GSE1: variants seen among roughly 807,000 people sequenced by gnomAD.
The protein encoded by GSE1 is genetic suppressor element 1.
GSE1 carries 32 observed loss-of-function variants against 112.6 expected under a neutral mutation model. The ratio of observed to expected loss-of-function variants is 0.28; its 90% CI spans 0.21 to 0.38. GSE1 has a LOEUF of 0.38. Among genes scored for constraint, GSE1 ranks in the 10% least tolerant of loss-of-function variants. The probability of loss-of-function intolerance (pLI) is 1.00; values close to 1 mark genes in which losing one functional copy is unlikely to be tolerated. For synonymous variants in GSE1, 1,115 were observed against 735.6 expected, an observed-to-expected ratio of 1.52 and a Z score of -8.35; for missense variants, 2,348 against 1,699.2, an observed-to-expected ratio of 1.38 and a Z score of -6.71.
rs114005000 is a variant in GSE1 at position 85,666,501 on chromosome 16, C to T, written c.3130+154C>T. On this transcript the variant is annotated intron_variant, in intron 13 of 15. Transcript: ENST00000253458. The stretch of plus-strand genomic sequence containing the variant: ...AAATAATTTCGTTATTATGCCAAAA[C>T]CATGTTTGTTTGTTTATCTCCAAGC... 1,245 of 714,836 alleles carry T rather than the reference C, an allele frequency of 1.7e-3. 15 individuals carry two copies. The African/African-American group carries it at 0.019, about 11-fold the overall frequency. 44.3% of individuals were successfully genotyped at this position (714,836 alleles called of 1,614,324 possible).
At chr16:85,328,383 A>G (rs1001729274) in intron 1 of GSE1, among the ~76,000 whole-genome samples, 2 of 152,180 alleles carry the variant, frequency 1.3e-5, no homozygotes, top group Non-Finnish European at 2.9e-5. Flanking sequence ...GGGCTGCAGG[A>G]AGAGCCGGCT....
At chr16:85,284,164 C>T (rs549852372) in intron 1 of GSE1, among the ~76,000 whole-genome samples, 5 of 152,288 alleles carry the variant, frequency 3.3e-5, no homozygotes, top group East Asian at 3.9e-4. Context: ...GAAGGCCCGG[C>T]GGGTCGGGAG....
intron 2 of GSE1, among the ~76,000 whole-genome samples, chr16:85,451,028 C>T (rs573247337): frequency 3.2e-4 from 44 of 138,104 alleles, no homozygotes; most frequent in African/African-American, 2.8e-4. Context: ...GAGCCAAGAT[C>T]GCACCACTGC....
chr16:85,605,364 C>T (rs560245052), intron 1 of GSE1, among the ~76,000 whole-genome samples: 3 of 152,158 alleles, frequency 2.0e-5, no homozygotes, highest in South Asian at 2.1e-4. Flanking sequence ...TCTAAGTGAC[C>T]GACCTCCCTG....
At chr16:85,347,285 A>G (rs1387199534) in intron 1 of GSE1, among the ~76,000 whole-genome samples, 2 of 152,094 alleles carry the variant, frequency 1.3e-5, no homozygotes, top group African/African-American at 4.8e-5. Context: ...CCTAGCTCCC[A>G]CTGCCAGCCC....
chr16:85,672,272 G>A (rs1384272308), intron 15 of GSE1, 133 bp from the exon 16 acceptor site: 3 of 678,946 alleles, frequency 4.4e-6, no homozygotes, highest in Non-Finnish European at 7.9e-6. Context: ...TGGGATTACA[G>A]GCGTGAGCCA....
intron 1 of GSE1, among the ~76,000 whole-genome samples, chr16:85,223,801 C>T (rs1187980208): frequency 5.3e-5 from 8 of 151,820 alleles, no homozygotes; most frequent in African/African-American, 1.9e-4. Flanking sequence ...GATGGGGTTT[C>T]ACCATGTTGG....
chr16:85,302,875 C>T (rs1597339784), intron 1 of GSE1, among the ~76,000 whole-genome samples: 1 of 152,186 alleles, frequency 6.6e-6, no homozygotes, highest in Admixed American at 6.5e-5. Flanking sequence ...GTGATGCAGC[C>T]GAAGCGCATT....
chr16:85,175,572 G>GC lies in GSE1; in HGVS notation c.2283+3770dup, dbSNP rs1355571873. 3.3e-5 allele frequency among the ~76,000 whole-genome samples: 5 copies of GC among 152,276 alleles called. No homozygotes were observed. The East Asian group carries it at 9.6e-4, about 29-fold the overall frequency. ...GATGCGTTGACGCCCCCTTCCCCCC[G>GC]CCCCCGTGAAGTGCTGCTGGCGCGA... On this transcript the variant is annotated intron_variant, in intron 1 of 2. Coordinates refer to the GSE1 transcript ENST00000637419.
intron 1 of GSE1, among the ~76,000 whole-genome samples, chr16:85,212,000 A>C (rs2075234335): frequency 6.6e-6 from 1 of 151,780 alleles, no homozygotes; most frequent in African/African-American, 2.4e-5. Context: ...CTGGGGGAGG[A>C]CTCCTGTTAC....
intron 2 of GSE1, among the ~76,000 whole-genome samples, chr16:85,399,917 C>A (rs1171883492): frequency 6.6e-6 from 1 of 152,206 alleles, no homozygotes; most frequent in Admixed American, 6.5e-5. Flanking sequence ...CCCTGGGCCC[C>A]AGGCCACTGC....
chr16:85,339,195 C>A (rs1212731766), intron 1 of GSE1, among the ~76,000 whole-genome samples: 2 of 152,302 alleles, frequency 1.3e-5, no homozygotes, highest in Admixed American at 1.3e-4. Flanking sequence ...GTTCTCATGG[C>A]TATTTTACGT....
At chr16:85,407,025 A>G (rs1429127875) in intron 2 of GSE1, among the ~76,000 whole-genome samples, 1 of 4,158 alleles carries the variant, frequency 2.4e-4, no homozygotes, top group Non-Finnish European at 3.7e-4. Context: ...CCTCACTGTT[A>G]CACTCAGGGC....
chr16:85,538,200 C>T (rs974922204), intron 2 of GSE1, among the ~76,000 whole-genome samples: 1 of 152,222 alleles, frequency 6.6e-6, no homozygotes, highest in African/African-American at 2.4e-5. Flanking sequence ...TGTGGCCGCC[C>T]GGCTGGCCCG....
intron 1 of GSE1, among the ~76,000 whole-genome samples, chr16:85,596,193 A>G (rs1027163315): frequency 2.0e-5 from 3 of 152,104 alleles, no homozygotes; most frequent in Non-Finnish European, 4.4e-5. Context: ...CGCAGCTCGA[A>G]GGACGGATGC....
At chr16:85,613,142 C>T (rs938461020), upstream of GSE1, 16 of 1,290,206 alleles carry the variant, frequency 1.2e-5, no homozygotes, top group Middle Eastern at 2.8e-4. Flanking sequence ...AACCCGACAC[C>T]TCCCGCTGGC....
intron 1 of GSE1, among the ~76,000 whole-genome samples, chr16:85,336,760 C>T (rs1010232278): frequency 2.6e-5 from 4 of 152,190 alleles, no homozygotes; most frequent in African/African-American, 9.7e-5. Flanking sequence ...TGCCACCACG[C>T]CCAGCCTTGC....
At chr16:85,461,390 A>G (rs2049962842) in intron 2 of GSE1, among the ~76,000 whole-genome samples, 2 of 152,164 alleles carry the variant, frequency 1.3e-5, no homozygotes, top group Non-Finnish European at 2.9e-5. Context: ...CTGGTTTGGA[A>G]CAAAGGATCT....
intron 1 of GSE1, among the ~76,000 whole-genome samples, chr16:85,198,630 G>C (rs2074972672): frequency 6.6e-6 from 1 of 151,266 alleles, no homozygotes; most frequent in South Asian, 2.1e-4. Context: ...TGCCCACTCA[G>C]CCCTGGATGC....
Sources: gnomAD v4.1 joint callset for allele counts (sites outside exome capture counted in the v4.1 genomes callset) on GRCh38, gnomAD v4.1.1 for gene constraint, MANE v1.5 for transcripts, NCBI Gene and HGNC (gene_info 2026-07-23, HGNC 2026-07-21) for gene names.